The following UNC13A variants were observed in gnomAD, a reference collection of about 807,000 sequenced individuals.
The protein encoded by UNC13A is unc-13 homolog A, also known as protein unc-13 homolog A.
Under a neutral mutation model 219.7 loss-of-function variants are expected in UNC13A, and 61 were observed. The observed-to-expected ratio is 0.28, with a 90% CI of 0.23 to 0.34. UNC13A has a LOEUF of 0.34. UNC13A is among the 10% of genes least tolerant of loss of function. The probability of loss-of-function intolerance (pLI) is 1.00; values close to 1 mark genes in which losing one functional copy is unlikely to be tolerated. For synonymous variants in UNC13A, 920 were observed against 884.6 expected, an observed-to-expected ratio of 1.04 and a Z score of -0.71; for missense variants, 1,476 against 2,270.3, an observed-to-expected ratio of 0.65 and a Z score of 7.11.
chr19:17,635,244 A>G (rs749022417), intron 26 of UNC13A, among the ~76,000 whole-genome samples: 14 of 151,150 alleles, frequency 9.3e-5, no homozygotes, highest in Non-Finnish European at 2.1e-4. Flanking sequence ...CAAATGATCC[A>G]CCCACCTTGG....
Position 17,672,365 on chromosome 19 carries a change from A to G in UNC13A, c.270+13T>C. ...ACTCCTCCTTCTTCACCCTCAGGCC[A>G]CCCGCCACTCACCTCATTGGACTGG... On this transcript the variant is annotated intron_variant, in intron 4 of 43. Transcript: ENST00000519716. 1 of 1,609,378 alleles carries G rather than the reference A, an allele frequency of 6.2e-7. No individual in the cohort carries two copies. The highest frequency in any genetic ancestry group is 8.5e-7 in the Non-Finnish European group (1 of 1,178,070).
chr19:17,643,316 A>G (rs1260389348), intron 19 of UNC13A, among the ~76,000 whole-genome samples: 4 of 150,858 alleles, frequency 2.7e-5, no homozygotes, highest in Non-Finnish European at 5.9e-5. Flanking sequence ...CCGGCCAGCC[A>G]TGGGCAAATT....
chr19:17,657,942 G>A, intron 9 of UNC13A, 120 bp downstream of exon 9: 1 of 1,010,942 alleles, frequency 9.9e-7, no homozygotes, highest in Admixed American at 2.3e-5. Flanking sequence ...CTGCCCTCCT[G>A]GATGGGTGAA....
At chr19:17,640,007 C>G in intron 22 of UNC13A, 99 bp from the exon 23 acceptor site, 1 of 1,164,130 alleles carries the variant, frequency 8.6e-7, no homozygotes, top group Non-Finnish European at 1.3e-6. Flanking sequence ...CATCCACCAC[C>G]CTCATAATGT....
chr19:17,639,953 G>A, intron 22 of UNC13A, 45 bp from the exon 23 acceptor site: 1 of 1,594,038 alleles, frequency 6.3e-7, no homozygotes, highest in Non-Finnish European at 8.6e-7. Flanking sequence ...GGCAGGACAT[G>A]GCCGCCATAG....
chr19:17,627,791 T>C lies in UNC13A; in HGVS notation c.3831+72A>G. The C allele has an allele frequency of 6.7e-7, 1 of 1,495,236 alleles. No individual in the cohort carries two copies. Among genetic ancestry groups the C allele is most frequent in the South Asian group, 1.2e-5 (1 of 85,822 alleles). 92.6% of individuals were successfully genotyped at this position (1,495,236 alleles called of 1,614,324 possible). A position where few individuals can be genotyped will look rare whatever the true frequency, so the allele number is the denominator to read the frequency against. On this transcript the variant is annotated intron_variant, in intron 32 of 43. Coordinates refer to ENST00000519716, the MANE Select transcript of UNC13A (RefSeq NM_001080421.3). The surrounding 1 kb of genome is among the most constrained non-coding windows in gnomAD (Gnocchi z 4.7). Reference sequence around the variant, plus strand: ...TCCCCAGGCCTGGTGGCATATGAGCTCAGGGGCCTGCAGGGACACAGTGGT... The same window carrying C: ...TCCCCAGGCCTGGTGGCATATGAGCCCAGGGGCCTGCAGGGACACAGTGGT...
intron 19 of UNC13A, among the ~76,000 whole-genome samples, 151 bp from the exon 20 acceptor site, chr19:17,643,111 A>T (rs12975883): frequency 0.43 from 64,503 of 151,760 alleles, 14,090 homozygotes; most frequent in Middle Eastern, 0.48. Flanking sequence ...TCCTGGGTTC[A>T]AGCGATTCTC....
At chr19:17,664,341 A>G (rs1313030296) in intron 7 of UNC13A, among the ~76,000 whole-genome samples, 1 of 152,142 alleles carries the variant, frequency 6.6e-6, no homozygotes, top group African/African-American at 2.4e-5. Flanking sequence ...GCTCAGAGGG[A>G]TGGAGTGAGC....
chr19:17,611,509 C>G (rs1221819931), intron 42 of UNC13A, among the ~76,000 whole-genome samples: 1 of 152,166 alleles, frequency 6.6e-6, no homozygotes, highest in Non-Finnish European at 1.5e-5. Flanking sequence ...ATGTCAAAAA[C>G]AGCCCAATCT....
chr19:17,652,412 A>C (rs1179895276), intron 12 of UNC13A, among the ~76,000 whole-genome samples: 2 of 152,130 alleles, frequency 1.3e-5, no homozygotes, highest in African/African-American at 4.8e-5. Context: ...GATTACAGGC[A>C]TGAGCCACCG....
Position 17,627,798 on chromosome 19 carries a change from C to A in UNC13A, c.3831+65G>T. On this transcript the variant is annotated intron_variant, in intron 32 of 43. Coordinates refer to ENST00000519716, the MANE Select transcript of UNC13A (RefSeq NM_001080421.3). The surrounding 1 kb of genome is among the most constrained non-coding windows in gnomAD (Gnocchi z 4.7). ...GCCTGGTGGCATATGAGCTCAGGGG[C>A]CTGCAGGGACACAGTGGTGGGGGTG... 6.6e-7 allele frequency: 1 copy of A among 1,511,304 alleles called. No homozygotes were observed. The highest frequency in any genetic ancestry group is 1.2e-5 in the South Asian group (1 of 86,432). 93.6% of individuals were successfully genotyped at this position (1,511,304 alleles called of 1,614,324 possible).
At position 17,688,354 on chromosome 19, in the gene UNC13A, C is replaced by G; in HGVS notation, c.-155G>C. ...GGCCATCTTGGTTCAGCACCGGGGGCGCGGACAGCGCCTGACGTGGCGCTG... is the reference window on the plus strand; with the variant it reads ...GGCCATCTTGGTTCAGCACCGGGGGGGCGGACAGCGCCTGACGTGGCGCTG... On this transcript the variant is annotated 5_prime_UTR_variant, in exon 1 of 44. Coordinates refer to ENST00000519716, the MANE Select transcript of UNC13A (RefSeq NM_001080421.3). 1.3e-5 allele frequency: 17 copies of G among 1,270,818 alleles called. No homozygotes were observed. Among genetic ancestry groups the G allele is most frequent in the South Asian group, 4.7e-5 (2 of 42,158 alleles). The allele number at this position is 1,270,818 out of a possible 1,614,324, so 78.7% of individuals were successfully genotyped here. A position where few individuals can be genotyped will look rare whatever the true frequency, so the allele number is the denominator to read the frequency against.
intron 8 of UNC13A, among the ~76,000 whole-genome samples, chr19:17,662,027 A>G (rs1015042155): frequency 2.0e-5 from 3 of 151,966 alleles, no homozygotes; most frequent in Non-Finnish European, 4.4e-5. Context: ...GGATCACCTG[A>G]AGTCAGGAGT....
Position 17,617,717 on chromosome 19 carries a change from T to C in UNC13A, c.4543A>G (p.Thr1515Ala). The change falls in exon 41 of 44, where the codon ACG becomes GCG. Residue 1515 changes from threonine (T) to alanine (A), a missense_variant. Physicochemically the swap from Thr to Ala is moderately conservative, Grantham distance 58. This residue lies in a region of UNC13A where 77 missense variants were observed against 94.8 expected (regional missense o/e 0.81). Coordinates refer to ENST00000519716, the MANE Select transcript of UNC13A (RefSeq NM_001080421.3). ...GTACCCTTACCCTGGGCCGATTGCG[T>C]CTGTACAAAGGTCTTGATTAGCAGG... ...TDLLIKTFVQ[T>A]QSAQGLGVED... 6.2e-7 allele frequency: 1 copy of C among 1,613,826 alleles called. No homozygotes were observed. The highest frequency in any genetic ancestry group is 1.3e-5 in the African/African-American group (1 of 75,032).
intron 43 of UNC13A, 103 bp downstream of exon 43, chr19:17,609,837 C>G (rs1422321885): frequency 6.6e-7 from 1 of 1,521,938 alleles, no homozygotes; most frequent in African/African-American, 1.4e-5. Context: ...CCTCCCATTC[C>G]CGGGCCCAGA....
At chr19:17,612,738 G>A (rs1420990718) in intron 41 of UNC13A, among the ~76,000 whole-genome samples, 2 of 152,138 alleles carry the variant, frequency 1.3e-5, no homozygotes, top group Non-Finnish European at 2.9e-5. Flanking sequence ...CAGCTACTCT[G>A]GTGGCTGAGG....
Position 17,655,899 on chromosome 19 carries a change from G to T in UNC13A, c.1267C>A (p.Pro423Thr). The stretch of plus-strand genomic sequence containing the variant: ...TCCTGTTACCTCTCCTCGTCCTTGG[G>T]TGGCTCAGCCTCAGGGATCTGCTCA... ...AAEQIPEAEPPKDEESFRPRE... is the reference protein window; with the variant it reads ...AAEQIPEAEPTKDEESFRPRE... Residue 423 changes from proline to threonine, a missense_variant, in exon 10 of 44, where the codon CCC becomes ACC. Transcript: ENST00000519716. 1 of 1,522,218 alleles carries T rather than the reference G, an allele frequency of 6.6e-7. No homozygotes were observed. 94.3% of individuals were successfully genotyped at this position (1,522,218 alleles called of 1,614,324 possible).
intron 43 of UNC13A, among the ~76,000 whole-genome samples, chr19:17,607,063 C>T (rs1046239117): frequency 5.9e-5 from 9 of 152,048 alleles, no homozygotes; most frequent in African/African-American, 1.9e-4. Flanking sequence ...TGACATCTGA[C>T]CTCCCACTAG....
At chr19:17,643,498 T>C (rs1418856496) in intron 19 of UNC13A, among the ~76,000 whole-genome samples, 2 of 151,848 alleles carry the variant, frequency 1.3e-5, no homozygotes, top group East Asian at 1.9e-4. Flanking sequence ...TTTTTATTTT[T>C]AGTAGAGACG....
Sources: gnomAD v4.1 joint callset for allele counts (sites outside exome capture counted in the v4.1 genomes callset) on GRCh38, gnomAD v4.1.1 for gene constraint, gnomAD v4.1.1 regional missense constraint, Gnocchi (gnomAD v3.1) non-coding constraint, MANE v1.5 for transcripts, NCBI Gene and HGNC (gene_info 2026-07-23, HGNC 2026-07-21) for gene names.